Variants in KCNK1 observed in about 807,000 individuals in gnomAD.
KCNK1 encodes the protein potassium two pore domain channel subfamily K member 1, also known as potassium channel subfamily K member 1.
KCNK1 carries 10 observed loss-of-function variants against 22.2 expected under a neutral mutation model. The observed-to-expected ratio is 0.45, with a 90% CI of 0.28 to 0.76. KCNK1 has a LOEUF of 0.76. Ranked by LOEUF, KCNK1 falls within the 30% of genes least tolerant of loss-of-function variation. KCNK1 has a pLI of 0.14. For synonymous variants in KCNK1, 200 were observed against 186.4 expected, an observed-to-expected ratio of 1.07 and a Z score of -0.60; for missense variants, 378 against 421.0, an observed-to-expected ratio of 0.90 and a Z score of 0.89.
chr1:233,626,207 G>C (rs955387529), intron 1 of KCNK1, among the ~76,000 whole-genome samples: 1 of 152,064 alleles, frequency 6.6e-6, no homozygotes, highest in Admixed American at 6.6e-5. Flanking sequence ...AAACCATCTG[G>C]CTTTGCTGAT....
At chr1:233,664,779 G>A (rs905181878) in intron 1 of KCNK1, among the ~76,000 whole-genome samples, 29 of 152,160 alleles carry the variant, frequency 1.9e-4, no homozygotes, top group Non-Finnish European at 3.5e-4. Context: ...AGAATTTGGG[G>A]GATTTGCAAC....
chr1:233,625,192 A>G (rs565374580), intron 1 of KCNK1, among the ~76,000 whole-genome samples: 2 of 152,180 alleles, frequency 1.3e-5, no homozygotes, highest in Admixed American at 6.5e-5. Context: ...AAAGGGAATG[A>G]TCTAAATCTT....
intron 1 of KCNK1, among the ~76,000 whole-genome samples, chr1:233,615,042 G>A (rs994474720): frequency 6.6e-6 from 1 of 152,250 alleles, no homozygotes; most frequent in South Asian, 2.1e-4. Context: ...ACCTTCCGGA[G>A]TGTGCCGTCC....
chr1:233,654,155 GA>G (rs1363449958), intron 1 of KCNK1, among the ~76,000 whole-genome samples: 1 of 151,416 alleles, frequency 6.6e-6, no homozygotes. Flanking sequence ...GTCTCAGAGG[GA>G]AATGAGGACC....
chr1:233,614,423 G>T lies in KCNK1; in HGVS notation c.252G>T (p.Glu84Asp). 6.2e-7 allele frequency: 1 copy of T among 1,613,142 alleles called. No individual in the cohort carries two copies. Among genetic ancestry groups the T allele is most frequent in the East Asian group, 2.2e-5 (1 of 44,830 alleles). The change falls in exon 1 of 3, where the codon GAG (glutamate) becomes GAT (aspartate). Residue 84 changes from glutamate (E) to aspartate (D), a missense_variant. Glu to Asp is a conservative substitution (Grantham distance 45). Coordinates refer to ENST00000366621, the MANE Select transcript of KCNK1 (RefSeq NM_002245.4). Reference protein sequence around the residue: ...QLEQFLGRVLEASNYGVSVLS... With the variant: ...QLEQFLGRVLDASNYGVSVLS... ...AGCAGTTCCTGGGCCGGGTGCTGGA[G>T]GCCAGCAACTACGGCGTGTCGGTGC...
At chr1:233,618,248 AAC>A (rs1247274789) in intron 1 of KCNK1, among the ~76,000 whole-genome samples, 3 of 152,190 alleles carry the variant, frequency 2.0e-5, no homozygotes, top group African/African-American at 7.2e-5. Flanking sequence ...AAGATACGGC[AAC>A]ATCTGCATAG....
In KCNK1 at chr1:233,666,693, G is replaced by A; in HGVS notation, c.454G>A (p.Val152Met). 1 of 1,614,122 alleles carries A rather than the reference G, an allele frequency of 6.2e-7. No individual in the cohort carries two copies. Among genetic ancestry groups the A allele is most frequent in the Non-Finnish European group, 8.5e-7 (1 of 1,180,032 alleles). Reference protein sequence around the residue: ...IPFTLLFLTAVVQRITVHVTR... With the variant: ...IPFTLLFLTAMVQRITVHVTR... The stretch of plus-strand genomic sequence containing the variant: ...CTTCACCCTCCTGTTCCTGACGGCT[G>A]TGGTCCAGCGCATCACCGTGCACGT... Residue 152 changes from valine (V) to methionine (M), a missense_variant, in exon 2 of 3, where the codon GTG (valine) becomes ATG (methionine). Physicochemically the swap from Val to Met is conservative, Grantham distance 21 (BLOSUM62 1). Transcript: ENST00000366621.
In KCNK1 at chr1:233,614,132, CCGGT is replaced by C; in HGVS notation, c.-38_-35del. 2.4e-6 allele frequency: 3 copies of C among 1,227,392 alleles called. No individual in the cohort carries two copies. Among genetic ancestry groups the C allele is most frequent in the Middle Eastern group, 3.0e-4 (1 of 3,354 alleles). 76.0% of individuals were successfully genotyped at this position (1,227,392 alleles called of 1,614,324 possible). A position where few individuals can be genotyped will look rare whatever the true frequency, so the allele number is the denominator to read the frequency against. On this transcript the variant is annotated 5_prime_UTR_variant, in exon 1 of 3. Transcript: ENST00000366621. ...GAAGAGGCGGCGGGCCGCGCTCCGG[CCGGT>C]CTGCGGCGTTGGCCTTGGCGGCGGC... is the stretch of plus-strand genomic sequence containing the variant.
At chr1:233,637,998 TG>T (rs1657932847) in intron 1 of KCNK1, among the ~76,000 whole-genome samples, 1 of 98,870 alleles carries the variant, frequency 1.0e-5, no homozygotes, top group African/African-American at 2.8e-5. Flanking sequence ...TGTGGAAAAA[TG>T]AAAAAAAAAA....
At chr1:233,626,714 A>G (rs949977105) in intron 1 of KCNK1, among the ~76,000 whole-genome samples, 1 of 152,172 alleles carries the variant, frequency 6.6e-6, no homozygotes, top group African/African-American at 2.4e-5. Context: ...AAATACTTCC[A>G]GGCTAAGAAA....
At chr1:233,651,932 A>G (rs1395050695) in intron 1 of KCNK1, among the ~76,000 whole-genome samples, 2 of 152,188 alleles carry the variant, frequency 1.3e-5, no homozygotes, top group Non-Finnish European at 2.9e-5. Flanking sequence ...TCCTATTCTC[A>G]TGGAATTGGG....
At chr1:233,666,080 A>T (rs906219881) in intron 1 of KCNK1, among the ~76,000 whole-genome samples, 1 of 152,120 alleles carries the variant, frequency 6.6e-6, no homozygotes, top group African/African-American at 2.4e-5. Flanking sequence ...GACTCATATT[A>T]TCTTGGTTCT....
At chr1:233,622,036 A>G (rs1468702022) in intron 1 of KCNK1, among the ~76,000 whole-genome samples, 1 of 152,194 alleles carries the variant, frequency 6.6e-6, no homozygotes, top group Non-Finnish European at 1.5e-5. Flanking sequence ...TTCTTTTATG[A>G]CATAACTGTA....
intron 1 of KCNK1, among the ~76,000 whole-genome samples, chr1:233,650,973 A>G (rs1335793744): frequency 6.6e-6 from 1 of 152,156 alleles, no homozygotes; most frequent in Non-Finnish European, 1.5e-5. Flanking sequence ...GTTTGATTCT[A>G]CAGAGCATCC....
chr1:233,654,273 G>C (rs1260408090), intron 1 of KCNK1, among the ~76,000 whole-genome samples: 1 of 152,060 alleles, frequency 6.6e-6, no homozygotes, highest in African/African-American at 2.4e-5. Flanking sequence ...TAGATGACAG[G>C]TTGATAGATG....
At chr1:233,670,969 G>A (rs746501822) in intron 2 of KCNK1, among the ~76,000 whole-genome samples, 5 of 152,168 alleles carry the variant, frequency 3.3e-5, no homozygotes, top group South Asian at 2.1e-4. Flanking sequence ...AGTATGTTAT[G>A]TGTCTTTAAT....
intron 1 of KCNK1, among the ~76,000 whole-genome samples, chr1:233,637,881 G>A (rs1436798563): frequency 6.6e-6 from 1 of 152,100 alleles, no homozygotes; most frequent in African/African-American, 2.4e-5. Context: ...GATTCTCAAT[G>A]GGTTGTGGAG....
chr1:233,660,413 ACT>A (rs1378858393), intron 1 of KCNK1: 3 of 151,886 alleles, frequency 2.0e-5, no homozygotes, highest in Non-Finnish European at 4.4e-5. Context: ...TGCCACAGAA[ACT>A]CTACTTTTGA....
At chr1:233,669,982 G>A (rs1306975821) in intron 2 of KCNK1, among the ~76,000 whole-genome samples, 1 of 152,144 alleles carries the variant, frequency 6.6e-6, no homozygotes, top group Admixed American at 6.5e-5. Flanking sequence ...CCTTATTCCT[G>A]TTATGCTGCC....
Sources: gnomAD v4.1 joint callset for allele counts (sites outside exome capture counted in the v4.1 genomes callset) on GRCh38, gnomAD v4.1.1 for gene constraint, MANE v1.5 for transcripts, NCBI Gene and HGNC (gene_info 2026-07-23, HGNC 2026-07-21) for gene names.